Variants in PLXNA2 observed in about 807,000 individuals in gnomAD.
PLXNA2 encodes plexin-A2.
In PLXNA2, 91 loss-of-function variants were observed where a neutral mutation model predicts 193.5. That is an observed-to-expected ratio of 0.47 (90% CI 0.40 to 0.56). The LOEUF (loss-of-function observed/expected upper bound fraction) is 0.56, where lower values mean the gene tolerates loss of function less well. PLXNA2 is among the 20% of genes least tolerant of loss of function. The pLI, the probability that PLXNA2 is intolerant of heterozygous loss-of-function variation, is 0.00. For missense variants in PLXNA2, 1,995 were observed against 2,503.2 expected (o/e 0.80, Z 4.33); for synonymous variants, 997 against 1,027.3 (o/e 0.97, Z 0.56).
At chr1:208,045,026 C>T (rs761811830) in intron 19 of PLXNA2, 41 bp downstream of exon 19, 22 of 1,612,218 alleles carry the variant, frequency 1.4e-5, no homozygotes, top group African/African-American at 2.7e-5. Context: ...ACATGCACCA[C>T]GAGGCGGGAA....
intron 1 of PLXNA2, among the ~76,000 whole-genome samples, chr1:208,241,628 C>T (rs1672054747): frequency 6.6e-6 from 1 of 152,216 alleles, no homozygotes; most frequent in African/African-American, 2.4e-5. Flanking sequence ...CTTCCCTGCA[C>T]ATCGCTCCAA....
intron 13 of PLXNA2, among the ~76,000 whole-genome samples, chr1:208,055,551 C>A (rs1285980553): frequency 6.6e-6 from 1 of 152,070 alleles, no homozygotes; most frequent in Non-Finnish European, 1.5e-5. Flanking sequence ...TTCCTCCCAA[C>A]ATCATTTCGG....
At position 208,042,277 on chromosome 1, in the gene PLXNA2, G is replaced by A. The variant is rs774001638; in HGVS notation, c.4107C>T (p.Ile1369=). ...INNKVFLLTF[I]RTLELQRSFS... ...AACTGCGCTGCAGCTCCAGGGTGCG[G>A]ATGAAGGTCAGCAGGAACACCTTGT... The change falls in exon 22 of 32, where the codon ATC becomes ATT. Residue 1369 remains isoleucine, a synonymous_variant. Transcript: ENST00000367033. 2 of 1,614,230 alleles carry A rather than the reference G, an allele frequency of 1.2e-6. No individual in the cohort carries two copies. The highest frequency in any genetic ancestry group is 2.2e-5 in the East Asian group (1 of 44,886).
chr1:208,222,490 C>G (rs1671370818), intron 1 of PLXNA2, among the ~76,000 whole-genome samples: 1 of 152,150 alleles, frequency 6.6e-6, no homozygotes, highest in African/African-American at 2.4e-5. Context: ...CTTTGGGAAG[C>G]AAGTGCCACT....
In PLXNA2 at chr1:208,048,565, G is replaced by T. The variant is rs77315407; in HGVS notation, c.3255+2444C>A. ...GTCCTTGGAACATTGAGATCATGGT[G>T]CATGGGGCTGGAGGAAGCGCTGAGA... On this transcript the variant is annotated intron_variant, in intron 17 of 31. Coordinates refer to ENST00000367033, the MANE Select transcript of PLXNA2 (RefSeq NM_025179.4). 3.0e-3 allele frequency among the ~76,000 whole-genome samples: 459 copies of T among 152,336 alleles called. 2 individuals are homozygous for T. Among genetic ancestry groups the T allele is most frequent in the African/African-American group, 0.011 (445 of 41,574 alleles).
rs537806162 is a variant in PLXNA2 at position 208,212,513 on chromosome 1, A to G, written c.1189-2051T>C. 4.6e-5 allele frequency among the ~76,000 whole-genome samples: 7 copies of G among 152,354 alleles called. No individual in the cohort carries two copies. The East Asian group carries it at 1.2e-3, about 25-fold the overall frequency. ...ACAGAGCAGAAGGAATGAGTTTCTC[A>G]GGAAGGGAGTGAAGCTGTGGTGTGC... is the stretch of plus-strand genomic sequence containing the variant. On this transcript the variant is annotated intron_variant, in intron 2 of 31. Transcript: ENST00000367033.
intron 22 of PLXNA2, among the ~76,000 whole-genome samples, chr1:208,041,231 G>A (rs973296233): frequency 2.6e-5 from 4 of 152,178 alleles, no homozygotes; most frequent in Non-Finnish European, 1.5e-5. Context: ...CACCCCACGT[G>A]GGGCCTGGAA....
At chr1:208,155,877 G>A (rs1463148011) in intron 3 of PLXNA2, among the ~76,000 whole-genome samples, 1 of 152,162 alleles carries the variant, frequency 6.6e-6, no homozygotes, top group African/African-American at 2.4e-5. Flanking sequence ...GGCTGCCTGG[G>A]TCTGGCTGAC....
intron 2 of PLXNA2, among the ~76,000 whole-genome samples, chr1:208,215,390 G>A (rs1671092438): frequency 6.6e-6 from 1 of 151,764 alleles, no homozygotes; most frequent in Admixed American, 6.6e-5. Context: ...TAGAGGGATG[G>A]GTAGATGGAT....
chr1:208,237,783 G>A (rs1458342428), intron 1 of PLXNA2, among the ~76,000 whole-genome samples: 1 of 152,126 alleles, frequency 6.6e-6, no homozygotes, highest in East Asian at 1.9e-4. Flanking sequence ...ATGCCATTCT[G>A]CCTTTTACTA....
At chr1:208,042,422 A>T in intron 21 of PLXNA2, 56 bp from the exon 22 acceptor site, 2 of 1,574,160 alleles carry the variant, frequency 1.3e-6, no homozygotes, top group Non-Finnish European at 8.6e-7. Flanking sequence ...CGGGCCTCCT[A>T]CCTGAGGGTC....
Position 208,102,210 on chromosome 1 carries a change from G to A in PLXNA2, c.1607+937C>T, listed in dbSNP as rs1312963599. 2.6e-5 allele frequency among the ~76,000 whole-genome samples: 4 copies of A among 152,144 alleles called. No homozygotes were observed. In the East Asian group the frequency reaches 7.7e-4, roughly 29 times the overall value. On this transcript the variant is annotated intron_variant, in intron 5 of 31. Transcript: ENST00000367033. ...TCCCTCCAGAGCCCTCCCAACACCTGCCGCAGAGGCTGGAAGCCAAGAGCT... is the reference window on the plus strand; with the variant it reads ...TCCCTCCAGAGCCCTCCCAACACCTACCGCAGAGGCTGGAAGCCAAGAGCT...
chr1:208,202,642 A>G (rs762235932), intron 3 of PLXNA2, among the ~76,000 whole-genome samples: 11 of 152,156 alleles, frequency 7.2e-5, no homozygotes, highest in Non-Finnish European at 1.3e-4. Flanking sequence ...TAATGGTGTA[A>G]AAGGGTCTGT....
At chr1:208,140,609 A>G (rs1409037612) in intron 4 of PLXNA2, among the ~76,000 whole-genome samples, 1 of 152,232 alleles carries the variant, frequency 6.6e-6, no homozygotes, top group African/African-American at 2.4e-5. Flanking sequence ...CTATATCTGC[A>G]TAAGTGCCTG....
rs765006161 is a variant in PLXNA2 at position 208,082,448 on chromosome 1, C to T, written c.2359G>A (p.Gly787Ser). Residue 787 changes from glycine to serine, a missense_variant, in exon 11 of 32, where the codon GGC becomes AGC. Physicochemically the swap from Gly to Ser is moderately conservative, Grantham distance 56 (BLOSUM62 0). Around this residue, in one of 3 missense-constraint regions of PLXNA2, gnomAD observed 1,291 missense variants for 1,673.6 expected, o/e 0.77. Transcript: ENST00000367033. This position sits in a 1 kb window ranked among gnomAD's most constrained non-coding sequence, Gnocchi z 4.2. ...LAVDFAVVWNGNFIIDNPQDL... is the reference protein window; with the variant it reads ...LAVDFAVVWNSNFIIDNPQDL... ...TGAGGGTTGTCAATGATGAAATTGCCGTTCCACACCACAGCGAAATCCACG... is the reference window on the plus strand; with the variant it reads ...TGAGGGTTGTCAATGATGAAATTGCTGTTCCACACCACAGCGAAATCCACG... The T allele has an allele frequency of 2.5e-5, 40 of 1,614,090 alleles. No homozygotes were observed. Among genetic ancestry groups the T allele is most frequent in the Middle Eastern group, 1.6e-4 (1 of 6,062 alleles).
intron 29 of PLXNA2, chr1:208,030,150 T>C: frequency 1.0e-6 from 1 of 985,576 alleles, no homozygotes; most frequent in Non-Finnish European, 1.2e-6. Flanking sequence ...CTCACTTTCC[T>C]CTAGCCTGGG....
At chr1:208,218,964 T>C (rs142906498) in intron 1 of PLXNA2, among the ~76,000 whole-genome samples, 1 of 152,154 alleles carries the variant, frequency 6.6e-6, no homozygotes, top group Non-Finnish European at 1.5e-5. Context: ...GGGTACCAGA[T>C]TTGGGAGAAT....
chr1:208,029,551 T>G, intron 29 of PLXNA2: 1 of 992,136 alleles, frequency 1.0e-6, no homozygotes. Context: ...AGGGCTGGCC[T>G]GGCCTGGCTG....
At chr1:208,178,529 CG>C (rs1282715747) in intron 3 of PLXNA2, among the ~76,000 whole-genome samples, 1 of 152,090 alleles carries the variant, frequency 6.6e-6, no homozygotes, top group Non-Finnish European at 1.5e-5. Context: ...GGGGTAGGGG[CG>C]GGGGTGTTGC....
Sources: gnomAD v4.1 joint callset for allele counts (sites outside exome capture counted in the v4.1 genomes callset) on GRCh38, gnomAD v4.1.1 for gene constraint, gnomAD v4.1.1 regional missense constraint, Gnocchi (gnomAD v3.1) non-coding constraint, MANE v1.5 for transcripts, NCBI Gene and HGNC (gene_info 2026-07-23, HGNC 2026-07-21) for gene names.